The following TSPEAR variants were observed in gnomAD, a reference collection of about 807,000 sequenced individuals.
The protein encoded by TSPEAR is thrombospondin type laminin G domain and EAR repeats, also known as thrombospondin-type laminin G domain and EAR repeat-containing protein.
A neutral mutation model predicts 71.6 loss-of-function variants in TSPEAR; 69 were observed. The observed-to-expected ratio is 0.96, with a 90% CI of 0.79 to 1.18. TSPEAR has a LOEUF of 1.18. Among genes scored for constraint, TSPEAR ranks in the 50% most tolerant of loss-of-function variants. The pLI is 0.00. For missense variants in TSPEAR, 971 were observed against 894.9 expected (o/e 1.09, Z -1.09); for synonymous variants, 402 against 387.2 (o/e 1.04, Z -0.45).
intron 1 of TSPEAR, among the ~76,000 whole-genome samples, chr21:44,600,075 C>G (rs1339582699): frequency 1.3e-5 from 2 of 152,190 alleles, no homozygotes; most frequent in Non-Finnish European, 2.9e-5. Flanking sequence ...GCCACTTGCT[C>G]TAAAGCCCTT....
intron 1 of TSPEAR, among the ~76,000 whole-genome samples, chr21:44,696,124 C>T (rs1317745883): frequency 6.6e-6 from 1 of 152,168 alleles, no homozygotes; most frequent in Non-Finnish European, 1.5e-5. Context: ...TGTTTTTTCA[C>T]ATTCCCACTC....
intron 1 of TSPEAR, among the ~76,000 whole-genome samples, chr21:44,599,884 G>A (rs1176192536): frequency 6.6e-6 from 1 of 152,188 alleles, no homozygotes; most frequent in Non-Finnish European, 1.5e-5. Context: ...CGGAGGAGGT[G>A]TTCTGGGTTA....
chr21:44,604,509 A>G (rs1363078799), intron 1 of TSPEAR, among the ~76,000 whole-genome samples: 1 of 151,972 alleles, frequency 6.6e-6, no homozygotes, highest in Non-Finnish European at 1.5e-5. Flanking sequence ...AGATAATGAG[A>G]TCTCTATATA....
At chr21:44,704,133 A>G (rs1987789914) in intron 1 of TSPEAR, among the ~76,000 whole-genome samples, 1 of 152,136 alleles carries the variant, frequency 6.6e-6, no homozygotes, top group Non-Finnish European at 1.5e-5. Flanking sequence ...CCCTCCCGCA[A>G]TTAGAACAGG....
intron 10 of TSPEAR, chr21:44,508,681 C>T (rs1030889956): frequency 1.2e-5 from 15 of 1,210,748 alleles, no homozygotes; most frequent in Middle Eastern, 3.7e-4. Flanking sequence ...CTCGTACATA[C>T]AGACCCACCC....
chr21:44,632,916 G>A (rs1983337527), intron 1 of TSPEAR, among the ~76,000 whole-genome samples: 1 of 152,080 alleles, frequency 6.6e-6, no homozygotes, highest in Non-Finnish European at 1.5e-5. Context: ...ATGTTAATAG[G>A]AATTTATCCA....
chr21:44,584,838 T>C (rs1384704856), intron 1 of TSPEAR, among the ~76,000 whole-genome samples: 1 of 152,240 alleles, frequency 6.6e-6, no homozygotes, highest in African/African-American at 2.4e-5. Context: ...TGGACATCAT[T>C]GTATTAAAAG....
Position 44,518,717 on chromosome 21 carries a change from C to T in TSPEAR, c.1566+3166G>A, listed in dbSNP as rs181496559. 3.2e-5 allele frequency: 15 copies of T among 470,470 alleles called. No homozygotes were observed. In the East Asian group the frequency reaches 9.7e-4, roughly 31 times the overall value. 29.1% of individuals were successfully genotyped at this position (470,470 alleles called of 1,614,324 possible). On this transcript the variant is annotated intron_variant, in intron 9 of 11. Transcript: ENST00000323084. ...TTAGATGATTGGAAGTGACTGCCTA[C>T]GTCTTCTTTCAGGATAAAGCCTCAA...
chr21:44,647,342 A>G (rs966613893), intron 1 of TSPEAR: 7 of 1,613,732 alleles, frequency 4.3e-6, no homozygotes, highest in Non-Finnish European at 5.9e-6. Flanking sequence ...TCAGGCAAGA[A>G]GTCCAGCTGC....
At chr21:44,673,578 A>T (rs587737961) in intron 1 of TSPEAR, among the ~76,000 whole-genome samples, 1 of 152,174 alleles carries the variant, frequency 6.6e-6, no homozygotes, top group African/African-American at 2.4e-5. Flanking sequence ...ACAACAAAAA[A>T]ATTGGATTTA....
At chr21:44,582,732 A>C (rs782731486) in intron 1 of TSPEAR, among the ~76,000 whole-genome samples, 1 of 152,036 alleles carries the variant, frequency 6.6e-6, no homozygotes, top group Non-Finnish European at 1.5e-5. Flanking sequence ...GGATCATGGA[A>C]ATTTTCACTG....
At chr21:44,645,514 G>A (rs188500347) in intron 1 of TSPEAR, among the ~76,000 whole-genome samples, 168 of 152,036 alleles carry the variant, frequency 1.1e-3, no homozygotes, top group African/African-American at 3.8e-3. Flanking sequence ...CACCATGCCT[G>A]GCTAATTTTT....
chr21:44,664,068 G>C (rs1447563247), intron 1 of TSPEAR, among the ~76,000 whole-genome samples: 1 of 152,054 alleles, frequency 6.6e-6, no homozygotes, highest in Non-Finnish European at 1.5e-5. Context: ...ATTCACTTTT[G>C]CCTCTGCTAT....
chr21:44,541,172 AGT>A (rs2053216689), intron 2 of TSPEAR, among the ~76,000 whole-genome samples: 1 of 152,050 alleles, frequency 6.6e-6, no homozygotes, highest in Non-Finnish European at 1.5e-5. Flanking sequence ...GTGAGCAGGG[AGT>A]GTGTTTGTCT....
At chr21:44,553,231 G>C (rs2053474415) in intron 2 of TSPEAR, among the ~76,000 whole-genome samples, 1 of 152,168 alleles carries the variant, frequency 6.6e-6, no homozygotes, top group African/African-American at 2.4e-5. Flanking sequence ...CTTCAGCAGA[G>C]AGGTTGAGCA....
chr21:44,592,639 C>T (rs781805672), intron 1 of TSPEAR: 25 of 1,207,010 alleles, frequency 2.1e-5, no homozygotes, highest in African/African-American at 1.9e-4. Flanking sequence ...GGTGTTTGTT[C>T]GCCCGTGATG....
intron 2 of TSPEAR, among the ~76,000 whole-genome samples, chr21:44,565,976 C>T (rs192028582): frequency 6.6e-6 from 1 of 152,260 alleles, no homozygotes; most frequent in Non-Finnish European, 1.5e-5. Flanking sequence ...CTTTGGGAGG[C>T]CCAGACCAGC....
At chr21:44,703,440 C>T (rs998421) in intron 1 of TSPEAR, among the ~76,000 whole-genome samples, 39,057 of 152,196 alleles carry the variant, frequency 0.26, 5,467 homozygotes, top group Admixed American at 0.34. Flanking sequence ...CCATGCCTCC[C>T]TGTCCCTGGT....
chr21:44,596,574 TG>T (rs1555927627), intron 1 of TSPEAR, among the ~76,000 whole-genome samples: 3 of 152,226 alleles, frequency 2.0e-5, no homozygotes, highest in African/African-American at 7.2e-5. Context: ...AATTGTGATG[TG>T]TAGCAGCAAA....
Sources: allele counts gnomAD v4.1 joint callset (sites outside exome capture counted in the v4.1 genomes callset), GRCh38; gene constraint gnomAD v4.1.1; transcripts MANE v1.5; gene names NCBI Gene and HGNC (gene_info 2026-07-23, HGNC 2026-07-21).